The following AFF2 variants were observed in gnomAD, a reference collection of about 807,000 sequenced individuals.
The protein encoded by AFF2 is ALF transcription elongation factor 2, also known as AF4/FMR2 family member 2.
In AFF2, 14 loss-of-function variants were observed where a neutral mutation model predicts 76.9. That is an observed-to-expected ratio of 0.18 (90% CI 0.12 to 0.28). AFF2 has a LOEUF of 0.28. Ranked by LOEUF, AFF2 falls within the 10% of genes least tolerant of loss-of-function variation. The probability of loss-of-function intolerance (pLI) is 1.00; values close to 1 mark genes in which losing one functional copy is unlikely to be tolerated. For synonymous variants in AFF2, 398 were observed against 366.7 expected, an observed-to-expected ratio of 1.09 and a Z score of -0.98; for missense variants, 868 against 1,001.1, an observed-to-expected ratio of 0.87 and a Z score of 1.79.
intron 3 of AFF2, among the ~76,000 whole-genome samples, chrX:148,778,288 G>T (rs1386543964): frequency 9.0e-6 from 1 of 110,861 alleles, no homozygotes; most frequent in African/African-American, 3.3e-5. Flanking sequence ...ATCGATGTTC[G>T]TGAGGGATAT....
intron 1 of AFF2, among the ~76,000 whole-genome samples, chrX:148,626,084 A>G (rs1353234716): frequency 4.5e-5 from 5 of 112,184 alleles, no homozygotes; most frequent in Non-Finnish European, 7.5e-5. Context: ...TCCTTTGGAA[A>G]AATTGGTGGT....
At chrX:148,914,592 C>G (rs1346783955) in intron 9 of AFF2, among the ~76,000 whole-genome samples, 2 of 111,981 alleles carry the variant, frequency 1.8e-5, no homozygotes, top group African/African-American at 6.5e-5. Context: ...CTGATTATAT[C>G]TAGCTAATCC....
chrX:148,921,809 G>A (rs2071599107), intron 9 of AFF2, among the ~76,000 whole-genome samples: 1 of 112,302 alleles, frequency 8.9e-6, no homozygotes, highest in Admixed American at 9.4e-5. Flanking sequence ...TTAGTTTTTA[G>A]TAAGCTGGTG....
At chrX:148,903,234 G>A (rs919380986) in intron 8 of AFF2, among the ~76,000 whole-genome samples, 4 of 111,161 alleles carry the variant, frequency 3.6e-5, no homozygotes, top group African/African-American at 1.3e-4. Context: ...AAGTCTATGG[G>A]AGTACAAGTT....
chrX:148,602,903 C>T (rs1415470265), intron 1 of AFF2, among the ~76,000 whole-genome samples: 2 of 109,419 alleles, frequency 1.8e-5, no homozygotes, highest in Non-Finnish European at 3.8e-5. Flanking sequence ...ATAATAAATG[C>T]TTAGTAGATA....
At chrX:148,690,206 T>G (rs782564062) in intron 3 of AFF2, among the ~76,000 whole-genome samples, 1 of 112,176 alleles carries the variant, frequency 8.9e-6, no homozygotes, top group African/African-American at 3.2e-5. Context: ...CACTGCAGTT[T>G]GTAGTGAGGG....
At chrX:148,628,729 A>G (rs896257997) in intron 1 of AFF2, among the ~76,000 whole-genome samples, 53 of 112,383 alleles carry the variant, frequency 4.7e-4, no homozygotes, top group African/African-American at 1.7e-3. Flanking sequence ...TAATTGCTGT[A>G]AAGACATAGT....
intron 9 of AFF2, among the ~76,000 whole-genome samples, chrX:148,909,915 C>A (rs1249125278): frequency 8.9e-6 from 1 of 112,783 alleles, no homozygotes; most frequent in African/African-American, 3.2e-5. Context: ...TTATCACATA[C>A]ATTTTTTTCA....
chrX:148,927,032 T>C (rs781948624), intron 9 of AFF2, among the ~76,000 whole-genome samples: 2 of 112,614 alleles, frequency 1.8e-5, no homozygotes, highest in East Asian at 5.6e-4. Context: ...TTTGAGGTTT[T>C]TTATGAATTC....
At chrX:148,958,202 A>G in intron 11 of AFF2, 135 bp from the exon 12 acceptor site, 1 of 907,523 alleles carries the variant, frequency 1.1e-6, no homozygotes, top group Non-Finnish European at 1.5e-6. Context: ...AAAGGTGCAC[A>G]TTTAACTCAC....
At chrX:148,914,117 T>C (rs2071500697) in intron 9 of AFF2, among the ~76,000 whole-genome samples, 1 of 111,399 alleles carries the variant, frequency 9.0e-6, no homozygotes, top group African/African-American at 3.3e-5. Flanking sequence ...GGGACAGAGA[T>C]GAAGGAGGGA....
rs1557267168 is a variant in AFF2 at position 148,759,975 on chromosome X, G to T, written c.1042-49901G>T. 4.5e-5 allele frequency among the ~76,000 whole-genome samples: 5 copies of T among 112,040 alleles called. No homozygotes were observed. In the South Asian group the frequency reaches 1.9e-3, roughly 42 times the overall value. On this transcript the variant is annotated intron_variant, in intron 3 of 20. Coordinates refer to ENST00000370460, the MANE Select transcript of AFF2 (RefSeq NM_002025.4). Reference sequence around the variant, plus strand: ...TGAAAGCAATTGTGAATTAATACTTGCTTTGAGCCACAGTAGACAGAGTAG... The same window carrying T: ...TGAAAGCAATTGTGAATTAATACTTTCTTTGAGCCACAGTAGACAGAGTAG...
chrX:148,661,321 TTGATTA>T, intron 2 of AFF2, among the ~76,000 whole-genome samples: 1 of 112,564 alleles, frequency 8.9e-6, no homozygotes, highest in South Asian at 3.7e-4. Flanking sequence ...ATACAGTTCT[TTGATTA>T]GAAGGAATCA....
chrX:148,521,365 C>T (rs1316631185), intron 1 of AFF2, among the ~76,000 whole-genome samples: 1 of 91,188 alleles, frequency 1.1e-5, no homozygotes, highest in African/African-American at 4.3e-5. Context: ...ACCTGAAAAG[C>T]ACGTGCATGC....
intron 9 of AFF2, among the ~76,000 whole-genome samples, chrX:148,943,888 A>G (rs1430345084): frequency 8.9e-6 from 1 of 112,119 alleles, no homozygotes; most frequent in African/African-American, 3.2e-5. Context: ...AGTGTCTGTG[A>G]TACATCAGGT....
At chrX:148,685,681 A>G (rs2054593808) in intron 3 of AFF2, among the ~76,000 whole-genome samples, 1 of 111,296 alleles carries the variant, frequency 9.0e-6, no homozygotes, top group Non-Finnish European at 1.9e-5. Flanking sequence ...GCCAATGTTC[A>G]TGTATATGTA....
At chrX:148,695,480 A>T (rs2054710473) in intron 3 of AFF2, among the ~76,000 whole-genome samples, 1 of 112,272 alleles carries the variant, frequency 8.9e-6, no homozygotes, top group African/African-American at 3.2e-5. Context: ...CTTGCTCTTT[A>T]CACTGTCATG....
intron 1 of AFF2, among the ~76,000 whole-genome samples, chrX:148,562,740 T>C (rs1274192642): frequency 1.8e-5 from 2 of 111,698 alleles, no homozygotes; most frequent in African/African-American, 3.3e-5. Context: ...TCTTCCTCTC[T>C]TTATTCCTTC....
chrX:148,630,896 G>C (rs1323832269), intron 1 of AFF2, among the ~76,000 whole-genome samples: 1 of 112,081 alleles, frequency 8.9e-6, no homozygotes, highest in Non-Finnish European at 1.9e-5. Flanking sequence ...AACCTGGGCA[G>C]ATGAATTCAT....
Sources: gnomAD v4.1 joint callset for allele counts (sites outside exome capture counted in the v4.1 genomes callset) on GRCh38, gnomAD v4.1.1 for gene constraint, MANE v1.5 for transcripts, NCBI Gene and HGNC (gene_info 2026-07-23, HGNC 2026-07-21) for gene names.